The following GPAT4 variants were observed in gnomAD, a reference collection of about 807,000 sequenced individuals.
GPAT4 encodes the protein glycerol-3-phosphate acyltransferase 4.
A neutral mutation model predicts 58.0 loss-of-function variants in GPAT4; 17 were observed. The observed-to-expected ratio is 0.29, with a 90% CI of 0.20 to 0.44. The LOEUF is 0.44. GPAT4 is among the 20% of genes least tolerant of loss of function. GPAT4 has a pLI of 1.00. For synonymous variants in GPAT4, 204 were observed against 210.1 expected (o/e 0.97, Z 0.25); for missense variants, 377 against 574.5 (o/e 0.66, Z 3.51).
intron 1 of GPAT4, among the ~76,000 whole-genome samples, chr8:41,589,894 TG>T (rs1405090650): frequency 2.6e-5 from 4 of 152,122 alleles, no homozygotes; most frequent in Non-Finnish European, 4.4e-5. Flanking sequence ...GAGACAGCAA[TG>T]GTGGAGGAAA....
intron 2 of GPAT4, among the ~76,000 whole-genome samples, chr8:41,603,848 C>T (rs1277631433): frequency 1.3e-5 from 2 of 152,090 alleles, no homozygotes; most frequent in African/African-American, 4.8e-5. Flanking sequence ...ACCAGCCACC[C>T]CACACTGGAG....
At chr8:41,605,018 T>A (rs1803219379) in intron 2 of GPAT4, among the ~76,000 whole-genome samples, 1 of 152,238 alleles carries the variant, frequency 6.6e-6, no homozygotes, top group South Asian at 2.1e-4. Context: ...AAGGACAGAC[T>A]GAAGCAGACA....
chr8:41,613,777 G>A (rs768390086), intron 8 of GPAT4, among the ~76,000 whole-genome samples: 7 of 152,238 alleles, frequency 4.6e-5, no homozygotes, highest in East Asian at 3.9e-4. Context: ...TTAGCTGAGC[G>A]TGGTGGTACG....
At chr8:41,599,871 G>A (rs184199247) in intron 2 of GPAT4, among the ~76,000 whole-genome samples, 1 of 152,226 alleles carries the variant, frequency 6.6e-6, no homozygotes, top group East Asian at 1.9e-4. Flanking sequence ...TTTGGAAGTT[G>A]ATCTCTCCCA....
intron 1 of GPAT4, among the ~76,000 whole-genome samples, chr8:41,592,034 T>G (rs1439915082): frequency 6.6e-6 from 1 of 152,238 alleles, no homozygotes; most frequent in East Asian, 1.9e-4. Context: ...ACGAGCCATC[T>G]TGTGCCCAAT....
In GPAT4 at chr8:41,615,146, G is replaced by A. The variant is rs1803557446; in HGVS notation, c.1053+98G>A. 7 of 1,089,684 alleles carry A rather than the reference G, an allele frequency of 6.4e-6. No homozygotes were observed. The South Asian group carries it at 9.6e-5, about 15-fold the overall frequency. The allele number at this position is 1,089,684 out of a possible 1,614,324, so 67.5% of individuals were successfully genotyped here. Reference sequence around the variant, plus strand: ...AGGAAGGAGCTGGGGTCACCAGTCTGTGGTCGATGCCCTCAGCAGAGTGGC... The same window carrying A: ...AGGAAGGAGCTGGGGTCACCAGTCTATGGTCGATGCCCTCAGCAGAGTGGC... On this transcript the variant is annotated intron_variant, in intron 10 of 12. Transcript: ENST00000396987.
At chr8:41,606,040 T>C (rs1803260181) in intron 2 of GPAT4, among the ~76,000 whole-genome samples, 1 of 152,334 alleles carries the variant, frequency 6.6e-6, no homozygotes, top group Non-Finnish European at 1.5e-5. Flanking sequence ...TGGCAAGGGC[T>C]TGCCGTATCT....
At chr8:41,606,724 G>A (rs908298499) in intron 2 of GPAT4, among the ~76,000 whole-genome samples, 4 of 152,186 alleles carry the variant, frequency 2.6e-5, no homozygotes, top group Non-Finnish European at 5.9e-5. Flanking sequence ...GGTAAATCAG[G>A]TGGCAGTAGG....
At chr8:41,579,566 G>A (rs1013505362) in intron 1 of GPAT4, among the ~76,000 whole-genome samples, 15 of 150,646 alleles carry the variant, frequency 1.0e-4, no homozygotes, top group African/African-American at 3.6e-4. Context: ...GGCCGGGCGT[G>A]GTGACTCACG....
intron 8 of GPAT4, 86 bp from the exon 9 acceptor site, chr8:41,614,300 T>C: frequency 8.5e-7 from 1 of 1,178,978 alleles, no homozygotes; most frequent in Non-Finnish European, 1.2e-6. Context: ...GAAACTAGTG[T>C]CACAAATAAA....
At chr8:41,604,470 A>G (rs1803201175) in intron 2 of GPAT4, among the ~76,000 whole-genome samples, 2 of 152,218 alleles carry the variant, frequency 1.3e-5, no homozygotes, top group Non-Finnish European at 2.9e-5. Flanking sequence ...AGAGAGCAGC[A>G]TGTGACTGGA....
intron 10 of GPAT4, among the ~76,000 whole-genome samples, chr8:41,615,564 A>G (rs994144423): frequency 7.2e-5 from 11 of 151,978 alleles, no homozygotes; most frequent in African/African-American, 2.7e-4. Context: ...CTGGGAGTTT[A>G]TCTAGTCTAC....
Position 41,599,254 on chromosome 8 carries a change from TC to T in GPAT4, c.117del (p.Phe40LeufsTer8). The T allele has an allele frequency of 6.2e-7, 1 of 1,614,164 alleles. No homozygotes were observed. Among genetic ancestry groups the T allele is most frequent in the South Asian group, 1.1e-5 (1 of 91,082 alleles). On this transcript the variant is annotated frameshift_variant, in exon 2 of 13. Transcript: ENST00000396987. LOFTEE classifies it high-confidence loss of function. ...CATAGTGCCAGCCATTTTTGGAGTC[TC>T]CTTTGGTATCCGCAAACTCTACATG... ...FIIVPAIFGV[S>X]FGIRKLYMKS...
rs1802653159 is a variant in GPAT4, at chr8:41,586,288, C to T, written c.-849+8010C>T. ...GGCCAAAGGTTCCATTGTATGGATA[C>T]ACCACATTTTGTTTATCCAGTCATC... On this transcript the variant is annotated intron_variant, in intron 1 of 12. Coordinates refer to ENST00000396987, the MANE Select transcript of GPAT4 (RefSeq NM_178819.4). 2.0e-5 allele frequency among the ~76,000 whole-genome samples: 3 copies of T among 152,222 alleles called. No homozygotes were observed. The South Asian group carries it at 6.2e-4, about 32-fold the overall frequency.
chr8:41,595,117 A>T (rs1802893021), intron 1 of GPAT4, among the ~76,000 whole-genome samples: 1 of 150,944 alleles, frequency 6.6e-6, no homozygotes, highest in Non-Finnish European at 1.5e-5. Context: ...TGCTATTAAT[A>T]AGACCTTGTT....
rs1242797426 is a variant in GPAT4, at chr8:41,624,674, A to ACTCTCTCCCCCAGTCAATATGT, written c.*3682_*3703dup. The ACTCTCTCCCCCAGTCAATATGT allele has an allele frequency of 1.3e-5, 2 of 151,440 alleles. No individual in the cohort carries two copies. Among genetic ancestry groups the ACTCTCTCCCCCAGTCAATATGT allele is most frequent in the East Asian group, 1.9e-4 (1 of 5,138 alleles). 9.4% of individuals were successfully genotyped at this position (151,440 alleles called of 1,614,324 possible). A position where few individuals can be genotyped will look rare whatever the true frequency, so the allele number is the denominator to read the frequency against. On this transcript the variant is annotated 3_prime_UTR_variant, in exon 13 of 13. Transcript: ENST00000396987. ...CCATCTTCTACAGCACGCACACCCC[A>ACTCTCTCCCCCAGTCAATATGT]CTCTCTCCCCCAGTCAATATGTCTC...
At position 41,609,342 on chromosome 8, in the gene GPAT4, T is replaced by C. The variant is rs1196732212; in HGVS notation, c.166-74T>C. The C allele has an allele frequency of 5.5e-6, 8 of 1,448,640 alleles. No individual in the cohort carries two copies. In the East Asian group the frequency reaches 9.2e-5, roughly 17 times the overall value. The allele number at this position is 1,448,640 out of a possible 1,614,324, so 89.7% of individuals were successfully genotyped here. On this transcript the variant is annotated intron_variant, in intron 2 of 12. Transcript: ENST00000396987. Reference sequence around the variant, plus strand: ...GACTGGGACTGAGGCTTTCACAGAATAGAGATGGAGGTGTTCACTGATTGA... The same window carrying C: ...GACTGGGACTGAGGCTTTCACAGAACAGAGATGGAGGTGTTCACTGATTGA...
Position 41,602,039 on chromosome 8 carries a change from C to T in GPAT4, c.165+2735C>T, listed in dbSNP as rs567119355. Among the ~76,000 whole-genome samples, 7 of 152,348 alleles carry T rather than the reference C, an allele frequency of 4.6e-5. No homozygotes were observed. The East Asian group carries it at 1.4e-3, about 29-fold the overall frequency. On this transcript the variant is annotated intron_variant, in intron 2 of 12. Transcript: ENST00000396987. The stretch of plus-strand genomic sequence containing the variant: ...GCATGATCTTGGCCCACTGCAGCCT[C>T]CTCGTCCTGGGTTCAAGCAATTCTC...
At position 41,612,012 on chromosome 8, in the gene GPAT4, A is replaced by T. The variant is rs1468219331; in HGVS notation, c.701+20A>T. On this transcript the variant is annotated intron_variant, in intron 6 of 12. Coordinates refer to ENST00000396987, the MANE Select transcript of GPAT4 (RefSeq NM_178819.4). Reference sequence around the variant, plus strand: ...TGACAGGTGAGAGCGCTTTGTATTGATAGGAAGGGAGATGGCGCTGCAGGA... The same window carrying T: ...TGACAGGTGAGAGCGCTTTGTATTGTTAGGAAGGGAGATGGCGCTGCAGGA... The T allele has an allele frequency of 6.2e-7, 1 of 1,613,356 alleles. No individual in the cohort carries two copies. The highest frequency in any genetic ancestry group is 1.3e-5 in the African/African-American group (1 of 74,906).
Sources: gnomAD v4.1 joint callset for allele counts (sites outside exome capture counted in the v4.1 genomes callset) on GRCh38, gnomAD v4.1.1 for gene constraint, MANE v1.5 for transcripts, NCBI Gene and HGNC (gene_info 2026-07-23, HGNC 2026-07-21) for gene names.